Variants in CCDC163 observed in about 807,000 individuals in gnomAD.
CCDC163 encodes CCDC163 homolog, also known as transmembrane protein CCDC163.
In CCDC163, 13 loss-of-function variants were observed where a neutral mutation model predicts 8.2. That is an observed-to-expected ratio of 1.59 (90% CI 1.04 to 2.54). The LOEUF (loss-of-function observed/expected upper bound fraction) is 2.54. Among genes scored for constraint, CCDC163 ranks in the 30% most tolerant of loss-of-function variants. The probability of loss-of-function intolerance (pLI) is 0.00; values close to 1 mark genes in which losing one functional copy is unlikely to be tolerated. For synonymous variants in CCDC163, 41 were observed against 30.9 expected (o/e 1.33, Z -1.08); for missense variants, 117 against 78.6 (o/e 1.49, Z -1.85).
intron 3 of CCDC163, 80 bp from the exon 4 acceptor site, chr1:45,496,703 CA>C: frequency 1.4e-6 from 1 of 694,024 alleles, no homozygotes. Flanking sequence ...AGCCTGCTGC[CA>C]AAAACTGAGA....
At chr1:45,497,676 G>A (rs1292819996) in intron 2 of CCDC163, among the ~76,000 whole-genome samples, 20 of 71,862 alleles carry the variant, frequency 2.8e-4, no homozygotes, top group South Asian at 5.3e-4. Flanking sequence ...GAGCGTCTCC[G>A]CCCGGCAGCC....
chr1:45,498,645 T>C (rs1415889572), intron 2 of CCDC163: 3 of 153,176 alleles, frequency 2.0e-5, no homozygotes, highest in Admixed American at 1.9e-4. Context: ...AGTGATGCTG[T>C]AGTGGGACAA....
Position 45,498,144 on chromosome 1 carries a change from G to A in CCDC163, c.178-761C>T, listed in dbSNP as rs796800245. ...CTCAGAGTTAAATGGATTAAGGGCG[G>A]TGCAAGATGTGCTTTGTTAAACAGA... On this transcript the variant is annotated intron_variant, in intron 2 of 4. Coordinates refer to ENST00000629482, the MANE Select transcript of CCDC163 (RefSeq NM_001102601.3). Among the ~76,000 whole-genome samples, 18 of 151,730 alleles carry A rather than the reference G, an allele frequency of 1.2e-4. No individual in the cohort carries two copies. In the South Asian group the frequency reaches 3.5e-3, roughly 30 times the overall value.
intron 3 of CCDC163, 45 bp from the exon 4 acceptor site, chr1:45,496,668 T>C (rs1383861353): frequency 1.3e-6 from 1 of 745,570 alleles, no homozygotes; most frequent in South Asian, 1.4e-5. Flanking sequence ...CCAACTTCTT[T>C]CCTTCTCCCT....
chr1:45,497,662 T>G (rs1184351959), intron 2 of CCDC163, among the ~76,000 whole-genome samples: 1 of 91,574 alleles, frequency 1.1e-5, no homozygotes, highest in Admixed American at 1.4e-4. Context: ...GTCTGGGAAG[T>G]GAGGAGCGTC....
In CCDC163 at chr1:45,499,831, G is replaced by A; in HGVS notation, c.-222C>T. On this transcript the variant is annotated 5_prime_UTR_variant, in exon 1 of 5. Transcript: ENST00000629482. ...CTCTTGGGGAACTGGGGGAAAAGCG[G>A]GATACCGTGATGATACGCAGATATC... is the stretch of plus-strand genomic sequence containing the variant. 1.7e-6 allele frequency: 1 copy of A among 578,594 alleles called. No homozygotes were observed. The highest frequency in any genetic ancestry group is 3.1e-6 in the Non-Finnish European group (1 of 324,016). The allele number at this position is 578,594 out of a possible 1,614,324, so 35.8% of individuals were successfully genotyped here.
intron 2 of CCDC163, chr1:45,498,566 T>C (rs7543076): frequency 0.74 from 112,763 of 152,866 alleles, 42,042 homozygotes; most frequent in East Asian, 0.94. Flanking sequence ...CTGCAGTTCC[T>C]TTCTCAGCTC....
Position 45,496,546 on chromosome 1 carries a change from C to G in CCDC163, c.330+10G>C, listed in dbSNP as rs1181891194. On this transcript the variant is annotated intron_variant, in intron 4 of 4. Transcript: ENST00000629482. ...GAAATATGCAGAGACAAGTCTGAAC[C>G]TAGTCCTACCTTCCAACTGCCAACC... is the stretch of plus-strand genomic sequence containing the variant. 1 of 780,384 alleles carries G rather than the reference C, an allele frequency of 1.3e-6. No homozygotes were observed. The highest frequency in any genetic ancestry group is 2.4e-6 in the Non-Finnish European group (1 of 417,842). 48.3% of individuals were successfully genotyped at this position (780,384 alleles called of 1,614,324 possible). A position where few individuals can be genotyped will look rare whatever the true frequency, so the allele number is the denominator to read the frequency against.
In CCDC163 at chr1:45,495,319, A is replaced by T. The variant is rs959032687; in HGVS notation, c.331-153T>A. 8 of 700,840 alleles carry T rather than the reference A, an allele frequency of 1.1e-5. No homozygotes were observed. The African/African-American group carries it at 1.2e-4, about 11-fold the overall frequency. 43.4% of individuals were successfully genotyped at this position (700,840 alleles called of 1,614,324 possible). A position where few individuals can be genotyped will look rare whatever the true frequency, so the allele number is the denominator to read the frequency against. ...TCAGTGAGTTCACAGAAAGGCAGAG[A>T]CTCCATTCTACCTAGTGTTAAATAA... On this transcript the variant is annotated intron_variant, in intron 4 of 4. Coordinates refer to ENST00000629482, the MANE Select transcript of CCDC163 (RefSeq NM_001102601.3).
At position 45,495,073 on chromosome 1, in the gene CCDC163, G is replaced by T. The variant is rs762627447; in HGVS notation, c.424C>A (p.Pro142Thr). ...LSKRTYSFGA[P>T]KCS is the part of the protein sequence containing the mutation. The stretch of plus-strand genomic sequence containing the variant: ...TTACAGGTCATTCAGGAGCATTTTG[G>T]GGCCCCAAAGGAATAGGTCCTCTTG... The change falls in exon 5 of 5, where the codon CCA becomes ACA. Residue 142 changes from proline to threonine, a missense_variant. Transcript: ENST00000629482. 15 of 780,796 alleles carry T rather than the reference G, an allele frequency of 1.9e-5. No homozygotes were observed. In the Admixed American group the frequency reaches 2.5e-4, roughly 13 times the overall value. 48.4% of individuals were successfully genotyped at this position (780,796 alleles called of 1,614,324 possible). A position where few individuals can be genotyped will look rare whatever the true frequency, so the allele number is the denominator to read the frequency against.
chr1:45,498,716 G>A (rs1289855669), intron 2 of CCDC163: 1 of 156,302 alleles, frequency 6.4e-6, no homozygotes, highest in Non-Finnish European at 1.4e-5. Flanking sequence ...TGCAAAACAA[G>A]ACACATGTGC....
intron 3 of CCDC163, 37 bp downstream of exon 3, chr1:45,497,262 G>A (rs1654237864): frequency 1.3e-6 from 1 of 763,376 alleles, no homozygotes; most frequent in Non-Finnish European, 2.4e-6. Flanking sequence ...AAGGGGACAA[G>A]GAAACGCATA....
intron 4 of CCDC163, 139 bp downstream of exon 4, chr1:45,496,417 G>A: frequency 1.4e-6 from 1 of 702,068 alleles, no homozygotes; most frequent in Non-Finnish European, 2.6e-6. Context: ...TGGAGAGAGA[G>A]AGAGTCAGCA....
chr1:45,499,327 G>A lies in CCDC163; in HGVS notation c.177+18C>T. 1 of 765,248 alleles carries A rather than the reference G, an allele frequency of 1.3e-6. No individual in the cohort carries two copies. Among genetic ancestry groups the A allele is most frequent in the Middle Eastern group, 2.3e-4 (1 of 4,422 alleles). The allele number at this position is 765,248 out of a possible 1,614,324, so 47.4% of individuals were successfully genotyped here. On this transcript the variant is annotated intron_variant, in intron 2 of 4. Coordinates refer to ENST00000629482, the MANE Select transcript of CCDC163 (RefSeq NM_001102601.3). ...CAGAAAGAGAAAGGGCTTGGAAGTAGAAAGAGACATTACTTACCTGCGGTG... is the reference window on the plus strand; with the variant it reads ...CAGAAAGAGAAAGGGCTTGGAAGTAAAAAGAGACATTACTTACCTGCGGTG...
At position 45,498,744 on chromosome 1, in the gene CCDC163, G is replaced by A. The variant is rs1434805133; in HGVS notation, c.177+601C>T. 5 of 160,654 alleles carry A rather than the reference G, an allele frequency of 3.1e-5. No homozygotes were observed. In the South Asian group the frequency reaches 6.6e-4, roughly 21 times the overall value. The allele number at this position is 160,654 out of a possible 1,614,324, so 10.0% of individuals were successfully genotyped here. On this transcript the variant is annotated intron_variant, in intron 2 of 4. Coordinates refer to ENST00000629482, the MANE Select transcript of CCDC163 (RefSeq NM_001102601.3). ...ACATGTGCACACACAACAGGTGTGT[G>A]GCAAAATTGTGTGCATACATATGAA... is the stretch of plus-strand genomic sequence containing the variant.
rs1314034578 is a variant in CCDC163 at position 45,495,476 on chromosome 1, G to A, written c.331-310C>T. ...TGTCCAGAAGACTGAATTAAGAGCT[G>A]GATGAAGAAACAGACATGGTGAAGG... On this transcript the variant is annotated intron_variant, in intron 4 of 4. Coordinates refer to ENST00000629482, the MANE Select transcript of CCDC163 (RefSeq NM_001102601.3). The A allele has an allele frequency of 1.3e-5, 9 of 702,746 alleles. No homozygotes were observed. The East Asian group carries it at 2.4e-4, about 19-fold the overall frequency. The allele number at this position is 702,746 out of a possible 1,614,324, so 43.5% of individuals were successfully genotyped here. A position where few individuals can be genotyped will look rare whatever the true frequency, so the allele number is the denominator to read the frequency against.
intron 2 of CCDC163, among the ~76,000 whole-genome samples, chr1:45,497,691 C>A (rs1488448522): frequency 2.1e-3 from 18 of 8,400 alleles, no homozygotes; most frequent in Admixed American, 3.2e-3. Flanking sequence ...GCAGCCACCC[C>A]GTCCGGGAGG....
Position 45,495,019 on chromosome 1 carries a change from G to A in CCDC163, c.*40C>T. The A allele has an allele frequency of 1.3e-6, 1 of 780,482 alleles. No individual in the cohort carries two copies. Among genetic ancestry groups the A allele is most frequent in the East Asian group, 2.4e-5 (1 of 41,236 alleles). The allele number at this position is 780,482 out of a possible 1,614,324, so 48.3% of individuals were successfully genotyped here. A position where few individuals can be genotyped will look rare whatever the true frequency, so the allele number is the denominator to read the frequency against. Reference sequence around the variant, plus strand: ...CTTGGAGGGGAGGGTGGGCAAAGAAGCCTTCATCCTACTATTCTTAACGAG... The same window carrying A: ...CTTGGAGGGGAGGGTGGGCAAAGAAACCTTCATCCTACTATTCTTAACGAG... On this transcript the variant is annotated 3_prime_UTR_variant, in exon 5 of 5. Transcript: ENST00000629482.
intron 4 of CCDC163, among the ~76,000 whole-genome samples, chr1:45,495,828 G>A (rs987038539): frequency 6.6e-5 from 10 of 151,824 alleles, no homozygotes; most frequent in South Asian, 2.1e-4. Flanking sequence ...CATCATGCCC[G>A]GCTAATTTTT....
Sources: gnomAD v4.1 joint callset for allele counts (sites outside exome capture counted in the v4.1 genomes callset) on GRCh38, gnomAD v4.1.1 for gene constraint, MANE v1.5 for transcripts, NCBI Gene and HGNC (gene_info 2026-07-23, HGNC 2026-07-21) for gene names.